The following ANAPC2 variants were observed in gnomAD, a reference collection of about 807,000 sequenced individuals.
ANAPC2 encodes anaphase promoting complex subunit 2, also known as anaphase-promoting complex subunit 2.
A neutral mutation model predicts 84.3 loss-of-function variants in ANAPC2; 29 were observed. That is an observed-to-expected ratio of 0.34 (90% confidence interval 0.26 to 0.47). The LOEUF (loss-of-function observed/expected upper bound fraction) is 0.47, where lower values mean the gene tolerates loss of function less well. Ranked by LOEUF, ANAPC2 falls within the 20% of genes least tolerant of loss-of-function variation. The pLI is 1.00. For synonymous variants in ANAPC2, 571 were observed against 479.4 expected (o/e 1.19, Z -2.50); for missense variants, 857 against 1,131.7 (o/e 0.76, Z 3.48).
chr9:137,186,482 C>T (rs778249612), intron 2 of ANAPC2, 126 bp from the exon 3 acceptor site: 1 of 1,261,138 alleles, frequency 7.9e-7, no homozygotes, highest in African/African-American at 1.5e-5. Flanking sequence ...ACACACCCAG[C>T]ACACACCTCC....
At chr9:137,179,482 T>G (rs1049281012) in intron 10 of ANAPC2, among the ~76,000 whole-genome samples, 60 of 152,282 alleles carry the variant, frequency 3.9e-4, no homozygotes, top group African/African-American at 1.3e-3. Context: ...ACGCCTGTAC[T>G]GGGACTGCTG....
rs1588759528 is a variant in ANAPC2 at position 137,180,316 on chromosome 9, C to T, written c.1755G>A (p.Glu585=). The T allele has an allele frequency of 1.9e-6, 3 of 1,613,370 alleles. No individual in the cohort carries two copies. The South Asian group carries it at 3.3e-5, about 18-fold the overall frequency. The change falls in exon 10 of 13, where the codon GAG becomes GAA. Residue 585 remains glutamate (E), a synonymous_variant. Coordinates refer to ENST00000323927, the MANE Select transcript of ANAPC2 (RefSeq NM_013366.4). ...REEDEKRPAE[E]QPPFGVYAVI... ...CAGCGTAGACCCCGAACGGTGGCTGCTCCTCTGCTGGCCGCTTCTCATCCT... is the reference window on the plus strand; with the variant it reads ...CAGCGTAGACCCCGAACGGTGGCTGTTCCTCTGCTGGCCGCTTCTCATCCT...
chr9:137,188,557 G>A lies in ANAPC2; in HGVS notation c.-25C>T, dbSNP rs368162981. The A allele has an allele frequency of 2.5e-6, 4 of 1,593,386 alleles. No individual in the cohort carries two copies. Among genetic ancestry groups the A allele is most frequent in the South Asian group, 1.1e-5 (1 of 89,254 alleles). ...TCTGCACCCACCGACTCCGAGATTC[G>A]CTCGGCGCGGCGCGCGGCGATGACG... On this transcript the variant is annotated 5_prime_UTR_variant, in exon 1 of 13. Coordinates refer to ENST00000323927, the MANE Select transcript of ANAPC2 (RefSeq NM_013366.4).
chr9:137,180,757 C>G, intron 8 of ANAPC2, 31 bp downstream of exon 8: 1 of 1,602,602 alleles, frequency 6.2e-7, no homozygotes, highest in Non-Finnish European at 8.5e-7. Context: ...CCCGGCACCC[C>G]TGGAGATGGC....
Position 137,181,764 on chromosome 9 carries a change from G to A in ANAPC2, c.1385C>T (p.Ala462Val), listed in dbSNP as rs1200704031. 5 of 1,610,832 alleles carry A rather than the reference G, an allele frequency of 3.1e-6. No individual in the cohort carries two copies. The highest frequency in any genetic ancestry group is 1.7e-5 in the Admixed American group (1 of 59,968). The change falls in exon 7 of 13, where the codon GCG (alanine) becomes GTG (valine). Residue 462 changes from alanine to valine, a missense_variant. Around this residue, in one of 3 missense-constraint regions of ANAPC2, gnomAD observed 425 missense variants for 595.5 expected, o/e 0.71. Transcript: ENST00000323927. ...LAVELSKTDPASLETGQDSED... is the reference protein window; with the variant it reads ...LAVELSKTDPVSLETGQDSED... ...ACTGTCCTGGCCTGTCTCCAGGCTC[G>A]CCGGGTCGGTCTTGGACAGCTCAAC...
chr9:137,180,854 A>G lies in ANAPC2; in HGVS notation c.1544T>C (p.Phe515Ser). Residue 515 changes from phenylalanine to serine, a missense_variant, in exon 8 of 13, where the codon TTC becomes TCC. Physicochemically the swap from Phe to Ser is radical, Grantham distance 155 (BLOSUM62 -2). Transcript: ENST00000323927. Reference sequence around the variant, plus strand: ...CAGCAGCGAGCGGTACTCATTGATGAAGAGGTCCTTGCTGCCGTAGATGCT... The same window carrying G: ...CAGCAGCGAGCGGTACTCATTGATGGAGAGGTCCTTGCTGCCGTAGATGCT... ...LVSIYGSKDLFINEYRSLLAD... is the reference protein window; with the variant it reads ...LVSIYGSKDLSINEYRSLLAD... 1 of 1,613,296 alleles carries G rather than the reference A, an allele frequency of 6.2e-7. No individual in the cohort carries two copies. The highest frequency in any genetic ancestry group is 8.5e-7 in the Non-Finnish European group (1 of 1,179,940).
In ANAPC2 at chr9:137,175,401, C is replaced by T. The variant is rs755689385; in HGVS notation, c.2092G>A (p.Val698Met). 46 of 1,608,288 alleles carry T rather than the reference C, an allele frequency of 2.9e-5. No individual in the cohort carries two copies. Among genetic ancestry groups the T allele is most frequent in the Non-Finnish European group, 3.3e-5 (39 of 1,178,310 alleles). ...CGCAGCACACCCTGCTGCAGCCACACGGACATCCGCCGCCGCAGCAGCGCC... is the reference window on the plus strand; with the variant it reads ...CGCAGCACACCCTGCTGCAGCCACATGGACATCCGCCGCCGCAGCAGCGCC... Reference protein sequence around the residue: ...PVALLRRRMSVWLQQGVLREE... With the variant: ...PVALLRRRMSMWLQQGVLREE... Residue 698 changes from valine (V) to methionine (M), a missense_variant, in exon 12 of 13, where the codon GTG becomes ATG. This residue lies in a region of ANAPC2 where 425 missense variants were observed against 595.5 expected (regional missense o/e 0.71). Coordinates refer to ENST00000323927, the MANE Select transcript of ANAPC2 (RefSeq NM_013366.4).
At chr9:137,178,756 C>T (rs1307858180) in intron 10 of ANAPC2, among the ~76,000 whole-genome samples, 1 of 151,810 alleles carries the variant, frequency 6.6e-6, no homozygotes, top group African/African-American at 2.4e-5. Flanking sequence ...TGGACTCTTC[C>T]AGAGCCAAGC....
chr9:137,187,348 CT>C (rs1312387140), intron 2 of ANAPC2, 132 bp downstream of exon 2: 2 of 1,205,498 alleles, frequency 1.7e-6, no homozygotes. Flanking sequence ...ACAGGAATCC[CT>C]GGGACTCTCT....
At chr9:137,182,279 G>A (rs1411040680) in intron 6 of ANAPC2, among the ~76,000 whole-genome samples, 8 of 152,304 alleles carry the variant, frequency 5.3e-5, no homozygotes, top group African/African-American at 1.7e-4. Flanking sequence ...TCAGGAGGCC[G>A]AGGCAGGCGG....
At chr9:137,181,660 G>T in intron 7 of ANAPC2, 21 bp downstream of exon 7, 1 of 1,573,446 alleles carries the variant, frequency 6.4e-7, no homozygotes, top group Non-Finnish European at 8.7e-7. Flanking sequence ...TGGTGAAAGG[G>T]ACCATGTGGG....
chr9:137,179,910 G>C (rs1332131271), intron 10 of ANAPC2, among the ~76,000 whole-genome samples: 2 of 152,274 alleles, frequency 1.3e-5, no homozygotes, highest in Non-Finnish European at 2.9e-5. Context: ...TCCCCCTGAA[G>C]CAGTTCAGGA....
chr9:137,177,387 G>C (rs1358747334), intron 10 of ANAPC2, among the ~76,000 whole-genome samples: 2 of 148,632 alleles, frequency 1.3e-5, no homozygotes, highest in African/African-American at 5.2e-5. Flanking sequence ...TTTTGAAACA[G>C]ATCATCTGTT....
At chr9:137,176,631 G>T (rs900303319) in intron 10 of ANAPC2, 1 of 152,280 alleles carries the variant, frequency 6.6e-6, no homozygotes, top group Non-Finnish European at 1.5e-5. Context: ...AGCTGCCGCC[G>T]TCTTGGAGAA....
rs761770743 is a variant in ANAPC2 at position 137,183,135 on chromosome 9, G to A, written c.1276C>T (p.Arg426Cys). Residue 426 changes from arginine (R) to cysteine (C), a missense_variant, in exon 6 of 13, where the codon CGC (arginine) becomes TGC (cysteine). Around this residue, in one of 3 missense-constraint regions of ANAPC2, gnomAD observed 425 missense variants for 595.5 expected, o/e 0.71. Coordinates refer to ENST00000323927, the MANE Select transcript of ANAPC2 (RefSeq NM_013366.4). ...AGCTGCAGCCCTCACCTCAGGTAGC[G>A]GCGGATAGGCTCACAGGCCACCTCC... is the stretch of plus-strand genomic sequence containing the variant. ...ILEVACEPIR[R>C]YLRTREDTVR... 9.6e-5 allele frequency: 155 copies of A among 1,612,460 alleles called. No homozygotes were observed. The highest frequency in any genetic ancestry group is 1.2e-4 in the Non-Finnish European group (145 of 1,179,480).
At position 137,181,870 on chromosome 9, in the gene ANAPC2, T is replaced by C. The variant is rs111289442; in HGVS notation, c.1287-8A>G. 2.1e-4 allele frequency: 336 copies of C among 1,598,614 alleles called. 1 individual carries two copies. The African/African-American group carries it at 3.7e-3, about 17-fold the overall frequency. On this transcript the variant is annotated splice_polypyrimidine_tract_variant and splice_region_variant and intron_variant, in intron 6 of 12. Transcript: ENST00000323927. Reference sequence around the variant, plus strand: ...ACTGTGTCCTCCCGCGTCCTGCCGATGTGAGTGCTGCTGTGGCCCACAGTG... The same window carrying C: ...ACTGTGTCCTCCCGCGTCCTGCCGACGTGAGTGCTGCTGTGGCCCACAGTG...
Position 137,174,902 on chromosome 9 carries a change from G to A in ANAPC2, c.*40C>T, listed in dbSNP as rs1207650211. On this transcript the variant is annotated 3_prime_UTR_variant, in exon 13 of 13. Transcript: ENST00000323927. This position sits in a 1 kb window ranked among gnomAD's most constrained non-coding sequence, Gnocchi z 6.1. ...GCACGGGAGGACGAGAGCACCTGCAGGGCAGCGCCTGGCGGGCGGGCGGGC... is the reference window on the plus strand; with the variant it reads ...GCACGGGAGGACGAGAGCACCTGCAAGGCAGCGCCTGGCGGGCGGGCGGGC... 1 of 1,479,006 alleles carries A rather than the reference G, an allele frequency of 6.8e-7. No individual in the cohort carries two copies. 91.6% of individuals were successfully genotyped at this position (1,479,006 alleles called of 1,614,324 possible).
At chr9:137,188,160 G>C (rs1455027153) in intron 1 of ANAPC2, 57 bp from the exon 2 acceptor site, 1 of 1,564,452 alleles carries the variant, frequency 6.4e-7, no homozygotes, top group African/African-American at 1.4e-5. Context: ...GGGGAGAGGC[G>C]GGGAAGGGAA....
rs1020092450 is a variant in ANAPC2 at position 137,180,910 on chromosome 9, C to T, written c.1488G>A (p.Arg496=). The T allele has an allele frequency of 3.1e-6, 5 of 1,613,318 alleles. No homozygotes were observed. Among genetic ancestry groups the T allele is most frequent in the Non-Finnish European group, 4.2e-6 (5 of 1,179,912 alleles). The part of the protein sequence containing the change: ...DADPGKSSSK[R]RSSDIISLLV... Reference sequence around the variant, plus strand: ...GCAGGCTGATGATGTCCGATGAACGCCGCTTGGAGCTCGACTTCCCTGGCA... The same window carrying T: ...GCAGGCTGATGATGTCCGATGAACGTCGCTTGGAGCTCGACTTCCCTGGCA... The change falls in exon 8 of 13, where the codon CGG becomes CGA. Residue 496 remains arginine (R), a synonymous_variant. Coordinates refer to ENST00000323927, the MANE Select transcript of ANAPC2 (RefSeq NM_013366.4).
Sources: gnomAD v4.1 joint callset for allele counts (sites outside exome capture counted in the v4.1 genomes callset) on GRCh38, gnomAD v4.1.1 for gene constraint, gnomAD v4.1.1 regional missense constraint, Gnocchi (gnomAD v3.1) non-coding constraint, MANE v1.5 for transcripts, NCBI Gene and HGNC (gene_info 2026-07-23, HGNC 2026-07-21) for gene names.